The following MYH11 variants were observed in gnomAD, a reference collection of about 807,000 sequenced individuals.
MYH11 encodes the protein myosin heavy chain 11.
Under a neutral mutation model 246.6 loss-of-function variants are expected in MYH11, and 80 were observed. The observed-to-expected ratio is 0.32, with a 90% CI of 0.27 to 0.39. The LOEUF (loss-of-function observed/expected upper bound fraction) is 0.39. MYH11 is among the 10% of genes least tolerant of loss of function. MYH11 has a pLI of 1.00. For missense variants in MYH11, 2,158 were observed against 2,546.8 expected (o/e 0.85, Z 3.29); for synonymous variants, 1,071 against 1,015.5 (o/e 1.05, Z -1.04).
intron 28 of MYH11, chr16:15,725,286 A>T: frequency 1.7e-6 from 1 of 580,754 alleles, no homozygotes; most frequent in Non-Finnish European, 3.0e-6. Context: ...ACCTGATCCC[A>T]CTAAATGGAT....
At chr16:15,830,965 A>T (rs538834762) in intron 2 of MYH11, among the ~76,000 whole-genome samples, 3 of 152,166 alleles carry the variant, frequency 2.0e-5, no homozygotes, top group Non-Finnish European at 4.4e-5. Context: ...TGAGGTCAGG[A>T]GATCGAGACC....
intron 4 of MYH11, chr16:15,791,965 T>C (rs989667413): frequency 2.0e-5 from 3 of 152,178 alleles, no homozygotes; most frequent in Non-Finnish European, 4.4e-5. Context: ...TGAGCCACCA[T>C]GCCTGACCTT....
At chr16:15,830,082 C>T (rs2043692506) in intron 2 of MYH11, among the ~76,000 whole-genome samples, 1 of 151,862 alleles carries the variant, frequency 6.6e-6, no homozygotes. Flanking sequence ...TTGCAGTGAG[C>T]TGAGATTGTG....
At position 15,748,118 on chromosome 16, in the gene MYH11, C is replaced by A. The variant is rs747720663; in HGVS notation, c.2109G>T (p.Gly703=). The A allele has an allele frequency of 1.2e-6, 2 of 1,614,104 alleles. No individual in the cohort carries two copies. The highest frequency in any genetic ancestry group is 1.7e-5 in the Admixed American group (1 of 60,032). ...GGCAGATGCGAATGCCTTCCAGCAC[C>A]CCATTGCACCGCAGCTGCTCCAGCA... is the stretch of plus-strand genomic sequence containing the variant. ...FLVLEQLRCN[G]VLEGIRICRQ... is the part of the protein sequence containing the mutation. Residue 703 remains glycine (G), a synonymous_variant, in exon 17 of 41, where the codon GGG becomes GGT. Coordinates refer to ENST00000300036, the MANE Select transcript of MYH11 (RefSeq NM_002474.3).
In MYH11 at chr16:15,767,239, A is replaced by G. The variant is rs1217828854; in HGVS notation, c.1034-3348T>C. 4.6e-5 allele frequency among the ~76,000 whole-genome samples: 7 copies of G among 152,092 alleles called. No individual in the cohort carries two copies. In the East Asian group the frequency reaches 1.3e-3, roughly 29 times the overall value. ...GGATTGATGGATGAATCATGGATGAATAGAGGATAGAGACTCTACATGAGT... is the reference window on the plus strand; with the variant it reads ...GGATTGATGGATGAATCATGGATGAGTAGAGGATAGAGACTCTACATGAGT... On this transcript the variant is annotated intron_variant, in intron 9 of 40. Coordinates refer to ENST00000300036, the MANE Select transcript of MYH11 (RefSeq NM_002474.3).
At chr16:15,802,823 GGAGT>G (rs1159464649) in intron 3 of MYH11, among the ~76,000 whole-genome samples, 2 of 152,130 alleles carry the variant, frequency 1.3e-5, no homozygotes, top group African/African-American at 4.8e-5. Context: ...ATCCTGGCTT[GGAGT>G]GAGACCTAAA....
chr16:15,729,007 C>T (rs527623265), intron 27 of MYH11, among the ~76,000 whole-genome samples: 12 of 152,164 alleles, frequency 7.9e-5, no homozygotes, highest in African/African-American at 2.9e-4. Context: ...CGAGACCCAC[C>T]ACTCAGTCTT....
At chr16:15,706,151 A>C (rs1281806833) in intron 40 of MYH11, among the ~76,000 whole-genome samples, 3 of 152,156 alleles carry the variant, frequency 2.0e-5, no homozygotes, top group African/African-American at 7.2e-5. Context: ...AGGAATAAAT[A>C]CTTAAAGCTG....
At chr16:15,829,412 G>A (rs1366820402) in intron 2 of MYH11, among the ~76,000 whole-genome samples, 1 of 152,204 alleles carries the variant, frequency 6.6e-6, no homozygotes, top group Admixed American at 6.5e-5. Flanking sequence ...GTATGACGAT[G>A]GAGTGAAGGT....
At chr16:15,838,341 G>A in intron 1 of MYH11, 72 bp from the exon 2 acceptor site, 1 of 1,230,540 alleles carries the variant, frequency 8.1e-7, no homozygotes, top group Non-Finnish European at 1.2e-6. Flanking sequence ...CACTCACCTT[G>A]CCCTGTCTAG....
At chr16:15,711,566 G>A (rs1329190448) in intron 40 of MYH11, among the ~76,000 whole-genome samples, 1 of 152,206 alleles carries the variant, frequency 6.6e-6, no homozygotes, top group Non-Finnish European at 1.5e-5. Flanking sequence ...ACTGTTAAAA[G>A]ATCAAGTCAT....
At position 15,741,511 on chromosome 16, in the gene MYH11, C is replaced by T; in HGVS notation, c.2811G>A (p.Arg937=). ...MEARLEEEED[R]GQQLQAERKK... is the part of the protein sequence containing the mutation. ...TCCTTTCAGCCTGTAGCTGCTGGCC[C>T]CTGTCTTCCTCCTCCTCCAGGCGGG... Residue 937 remains arginine (R), a synonymous_variant, in exon 22 of 41, where the codon AGG becomes AGA. Coordinates refer to ENST00000300036, the MANE Select transcript of MYH11 (RefSeq NM_002474.3). 1 of 1,609,570 alleles carries T rather than the reference C, an allele frequency of 6.2e-7. No homozygotes were observed. The highest frequency in any genetic ancestry group is 8.5e-7 in the Non-Finnish European group (1 of 1,180,020).
At chr16:15,759,519 A>T in intron 12 of MYH11, 57 bp downstream of exon 12, 1 of 1,612,436 alleles carries the variant, frequency 6.2e-7, no homozygotes, top group Non-Finnish European at 8.5e-7. Context: ...CTCCTCCAAG[A>T]AAAAGCCCAT....
Position 15,763,763 on chromosome 16 carries a change from AGTCATTGGTCATCAGG to A in MYH11, c.1129+17_1129+32del. ...ACCTCCCCCACCCCCCCAACCCCAA[AGTCATTGGTCATCAGG>A]AAAAAGTGGCAAGTACCTGTGTTAT... is the stretch of plus-strand genomic sequence containing the variant. On this transcript the variant is annotated intron_variant, in intron 10 of 40. Coordinates refer to ENST00000300036, the MANE Select transcript of MYH11 (RefSeq NM_002474.3). The A allele has an allele frequency of 1.7e-6, 1 of 597,150 alleles. No individual in the cohort carries two copies. 37.0% of individuals were successfully genotyped at this position (597,150 alleles called of 1,614,324 possible).
chr16:15,710,271 C>T (rs1276747983), intron 40 of MYH11, among the ~76,000 whole-genome samples: 2 of 152,116 alleles, frequency 1.3e-5, no homozygotes, highest in African/African-American at 4.8e-5. Flanking sequence ...GCCTGTAACC[C>T]CAGCACTTTG....
intron 40 of MYH11, chr16:15,708,831 G>T (rs200884440): frequency 3.7e-6 from 6 of 1,610,138 alleles, no homozygotes; most frequent in South Asian, 2.2e-5. Flanking sequence ...GTTTCCTGTG[G>T]GGGGGGCCCT....
chr16:15,755,023 T>C (rs911099800), intron 14 of MYH11, among the ~76,000 whole-genome samples: 2 of 152,134 alleles, frequency 1.3e-5, no homozygotes, highest in Admixed American at 1.3e-4. Flanking sequence ...CACTGTAGTA[T>C]ACAAAAGCAG....
intron 3 of MYH11, among the ~76,000 whole-genome samples, chr16:15,802,428 G>C (rs778005934): frequency 1.4e-4 from 21 of 152,180 alleles, no homozygotes; most frequent in Non-Finnish European, 2.8e-4. Flanking sequence ...TGTTCACTCA[G>C]AACCTCAGAC....
Position 15,751,424 on chromosome 16 carries a change from A to G in MYH11, c.1865-1093T>C, listed in dbSNP as rs907910427. ...GTGATTCCCCTGCCTTGGCCTCCCA[A>G]TGTGCTGGGATTACAGGCGTGAGCT... On this transcript the variant is annotated intron_variant, in intron 15 of 40. Coordinates refer to ENST00000300036, the MANE Select transcript of MYH11 (RefSeq NM_002474.3). Among the ~76,000 whole-genome samples, 10 of 151,726 alleles carry G rather than the reference A, an allele frequency of 6.6e-5. No individual in the cohort carries two copies. In the East Asian group the frequency reaches 1.2e-3, roughly 18 times the overall value.
Sources: gnomAD v4.1 joint callset for allele counts (sites outside exome capture counted in the v4.1 genomes callset) on GRCh38, gnomAD v4.1.1 for gene constraint, MANE v1.5 for transcripts, NCBI Gene and HGNC (gene_info 2026-07-23, HGNC 2026-07-21) for gene names.